SERPINE3: variants seen among roughly 807,000 people sequenced by gnomAD.
The protein encoded by SERPINE3 is serpin family E member 3.
SERPINE3 carries 43 observed loss-of-function variants against 41.7 expected under a neutral mutation model. The observed-to-expected ratio is 1.03, with a 90% CI of 0.81 to 1.33. SERPINE3 has a LOEUF of 1.33. SERPINE3 is among the 40% of genes most tolerant of loss of function. SERPINE3 has a pLI of 0.00. For synonymous variants in SERPINE3, 200 were observed against 192.2 expected, an observed-to-expected ratio of 1.04 and a Z score of -0.34; for missense variants, 440 against 491.7, an observed-to-expected ratio of 0.89 and a Z score of 0.99.
At chr13:51,340,025 A>T (rs1955274772) in intron 1 of SERPINE3, among the ~76,000 whole-genome samples, 1 of 152,130 alleles carries the variant, frequency 6.6e-6, no homozygotes, top group African/African-American at 2.4e-5. Flanking sequence ...AAAAGAGAAG[A>T]TGTTTTCTAT....
Position 51,348,227 on chromosome 13 carries a change from A to C in SERPINE3, c.715A>C (p.Thr239Pro), listed in dbSNP as rs758800135. The change falls in exon 6 of 10, where the codon ACT becomes CCT. Residue 239 changes from threonine (T) to proline (P), a missense_variant. By Grantham distance (38) the Thr-to-Pro change is conservative (BLOSUM62 -1). Coordinates refer to ENST00000681248, the MANE Select transcript of SERPINE3 (RefSeq NM_001386375.1). ...TGTACCCTCAGGTCAGTTCCAGGAC[A>C]CTGCAGGCCATCAGGTGGGGGTGCT... ...TEVNYGQFQD[T>P]AGHQVGVLEL... is the part of the protein sequence containing the mutation. 1.3e-6 allele frequency: 2 copies of C among 1,592,076 alleles called. No individual in the cohort carries two copies. The highest frequency in any genetic ancestry group is 1.7e-6 in the Non-Finnish European group (2 of 1,169,012).
At chr13:51,351,037 A>G (rs1340053759) in intron 6 of SERPINE3, among the ~76,000 whole-genome samples, 1 of 152,108 alleles carries the variant, frequency 6.6e-6, no homozygotes, top group Non-Finnish European at 1.5e-5. Context: ...TTGTTTACCT[A>G]TTCATCAATT....
At chr13:51,355,459 CA>C (rs1243285906) in intron 7 of SERPINE3, among the ~76,000 whole-genome samples, 1 of 152,156 alleles carries the variant, frequency 6.6e-6, no homozygotes, top group African/African-American at 2.4e-5. Context: ...ATTGCTGCAG[CA>C]ATAGATTCTT....
chr13:51,340,648 C>T (rs17790799), intron 1 of SERPINE3, 136 bp from the exon 2 acceptor site: 3,862 of 168,122 alleles, frequency 0.023, 61 homozygotes, highest in South Asian at 0.051. Context: ...TCCTTTTTAA[C>T]ATAGTAGATA....
rs765168256 is a variant in SERPINE3 at position 51,361,303 on chromosome 13, A to T, written c.1026A>T (p.Glu342Asp). ...GCCAAGATGGCTTTTATGTTTCTGA[A>T]GCAATCCACAAGGCCAAGATTGAAG... ...ISGQDGFYVS[E>D]AIHKAKIEVL... Residue 342 changes from glutamate (E) to aspartate (D), a missense_variant, in exon 8 of 10, where the codon GAA becomes GAT. Transcript: ENST00000681248. The T allele has an allele frequency of 2.5e-6, 4 of 1,609,874 alleles. No individual in the cohort carries two copies. In the Admixed American group the frequency reaches 6.7e-5, roughly 27 times the overall value.
At chr13:51,358,004 C>CA (rs1231929242) in intron 7 of SERPINE3, among the ~76,000 whole-genome samples, 1 of 152,124 alleles carries the variant, frequency 6.6e-6, no homozygotes, top group African/African-American at 2.4e-5. Flanking sequence ...TAACTTATGC[C>CA]ACACCAGATG....
intron 6 of SERPINE3, among the ~76,000 whole-genome samples, chr13:51,352,141 C>G (rs2137795560): frequency 6.6e-6 from 1 of 152,068 alleles, no homozygotes; most frequent in South Asian, 2.1e-4. Context: ...CAATTTTTGC[C>G]AAAAATGCAG....
chr13:51,346,134 A>G (rs1178472133), intron 4 of SERPINE3, among the ~76,000 whole-genome samples: 2 of 152,228 alleles, frequency 1.3e-5, no homozygotes, highest in African/African-American at 4.8e-5. Context: ...AACAGAGCCT[A>G]TCACAAAGTG....
chr13:51,349,758 G>T (rs1593640173), intron 6 of SERPINE3, among the ~76,000 whole-genome samples: 1 of 152,286 alleles, frequency 6.6e-6, no homozygotes, highest in Middle Eastern at 3.4e-3. Context: ...GGCAGGGAAG[G>T]CAAGGCAAGG....
intron 8 of SERPINE3, 171 bp downstream of exon 8, chr13:51,361,535 G>A (rs1031198692): frequency 2.9e-5 from 17 of 591,342 alleles, no homozygotes; most frequent in African/African-American, 2.1e-4. Flanking sequence ...GAAAAATGAC[G>A]GGGAAGAAGA....
chr13:51,353,241 C>G (rs1327901942), intron 6 of SERPINE3, among the ~76,000 whole-genome samples: 3 of 151,976 alleles, frequency 2.0e-5, no homozygotes, highest in Admixed American at 2.0e-4. Context: ...GTTTTATTAC[C>G]CACCATAATC....
chr13:51,354,583 C>T (rs1439736134), intron 6 of SERPINE3, among the ~76,000 whole-genome samples: 1 of 149,066 alleles, frequency 6.7e-6, no homozygotes, highest in African/African-American at 2.5e-5. Flanking sequence ...TAGGGAGACC[C>T]CATCTCAGAA....
intron 3 of SERPINE3, among the ~76,000 whole-genome samples, chr13:51,342,765 G>A (rs1386874377): frequency 6.6e-6 from 1 of 152,180 alleles, no homozygotes; most frequent in Non-Finnish European, 1.5e-5. Flanking sequence ...CTTCTCTGCA[G>A]ACAGTCAACA....
chr13:51,348,406 G>T lies in SERPINE3; in HGVS notation c.894G>T (p.Leu298=), dbSNP rs755584172. The change falls in exon 6 of 10, where the codon CTG becomes CTT. Residue 298 remains leucine, a synonymous_variant. Transcript: ENST00000681248. ...GGAGAGCCAGGATGGATGTGTTCCT[G>T]CCCAGGTGAGCAGCTGAGTCCCCCT... ...SLRRARMDVF[L]PRFRIQNQFN... 8 of 1,612,994 alleles carry T rather than the reference G, an allele frequency of 5.0e-6. No homozygotes were observed. Among genetic ancestry groups the T allele is most frequent in the Non-Finnish European group, 6.8e-6 (8 of 1,179,630 alleles).
chr13:51,359,744 T>G (rs1250023004), intron 7 of SERPINE3, among the ~76,000 whole-genome samples: 8 of 152,100 alleles, frequency 5.3e-5, no homozygotes, highest in African/African-American at 1.9e-4. Context: ...TCTCGGAGAT[T>G]AGTAAAAGCC....
At chr13:51,352,339 A>G (rs759740661) in intron 6 of SERPINE3, among the ~76,000 whole-genome samples, 1 of 151,796 alleles carries the variant, frequency 6.6e-6, no homozygotes, top group Non-Finnish European at 1.5e-5. Context: ...CATTAAATTT[A>G]TTCTAAGTAT....
At chr13:51,357,911 C>T (rs978069260) in intron 7 of SERPINE3, among the ~76,000 whole-genome samples, 1 of 152,034 alleles carries the variant, frequency 6.6e-6, no homozygotes, top group African/African-American at 2.4e-5. Flanking sequence ...AATCTCTGCT[C>T]GGTAAGAAGT....
chr13:51,341,385 C>T (rs757058171), intron 3 of SERPINE3, 38 bp downstream of exon 3: 9 of 1,534,420 alleles, frequency 5.9e-6, no homozygotes, highest in African/African-American at 2.7e-5. Flanking sequence ...ACTTACCCTC[C>T]TGTTCACACT....
At chr13:51,357,395 G>A (rs1311448516) in intron 7 of SERPINE3, among the ~76,000 whole-genome samples, 1 of 152,134 alleles carries the variant, frequency 6.6e-6, no homozygotes, top group Non-Finnish European at 1.5e-5. Context: ...CAGAGACCTT[G>A]CCAGAGAGTA....
Sources: allele counts gnomAD v4.1 joint callset (sites outside exome capture counted in the v4.1 genomes callset), GRCh38; gene constraint gnomAD v4.1.1; transcripts MANE v1.5; gene names NCBI Gene and HGNC (gene_info 2026-07-23, HGNC 2026-07-21).